Variants in NFIB observed in about 807,000 individuals in gnomAD.
The protein encoded by NFIB is nuclear factor I B, also known as nuclear factor 1 B-type.
A neutral mutation model predicts 61.5 loss-of-function variants in NFIB; 11 were observed. That is an observed-to-expected ratio of 0.18 (90% confidence interval 0.11 to 0.30). The LOEUF (loss-of-function observed/expected upper bound fraction) is 0.30. NFIB is among the 10% of genes least tolerant of loss of function. The pLI, the probability that NFIB is intolerant of heterozygous loss-of-function variation, is 1.00. For missense variants in NFIB, 471 were observed against 608.9 expected, an observed-to-expected ratio of 0.77 and a Z score of 2.38; for synonymous variants, 260 against 216.5, an observed-to-expected ratio of 1.20 and a Z score of -1.76.
chr9:14,341,149 A>G (rs1395988394), intron 1 of NFIB, among the ~76,000 whole-genome samples: 1 of 152,176 alleles, frequency 6.6e-6, no homozygotes, highest in Non-Finnish European at 1.5e-5. Flanking sequence ...AGAATCTGCT[A>G]GTCTTCTGGC....
intron 3 of NFIB, among the ~76,000 whole-genome samples, chr9:14,171,681 A>C (rs1404012676): frequency 1.5e-4 from 23 of 152,192 alleles, no homozygotes; most frequent in Admixed American, 1.5e-3. Flanking sequence ...AGGATATCTT[A>C]AAAAGGGAAA....
intron 2 of NFIB, among the ~76,000 whole-genome samples, chr9:14,276,841 T>C (rs1466581272): frequency 1.3e-5 from 2 of 152,082 alleles, no homozygotes; most frequent in Non-Finnish European, 1.5e-5. Context: ...TCTTCAAGTA[T>C]TGTAAACTGA....
At chr9:14,518,834 T>C in the NFIB span, among the ~76,000 whole-genome samples, 1 of 152,198 alleles carries the variant, frequency 6.6e-6, no homozygotes, top group African/African-American at 2.4e-5. Flanking sequence ...TCAGGCCATA[T>C]TTCCAATTCC....
intron 3 of NFIB, among the ~76,000 whole-genome samples, chr9:14,171,747 C>T (rs908646481): frequency 1.8e-4 from 28 of 152,226 alleles, no homozygotes; most frequent in African/African-American, 6.5e-4. Flanking sequence ...ATAAATTTAA[C>T]TTTGGAAATG....
chr9:14,474,602 C>A, the NFIB span, among the ~76,000 whole-genome samples: 5 of 152,290 alleles, frequency 3.3e-5, no homozygotes, highest in Admixed American at 3.3e-4. Flanking sequence ...TTGTCTAAAT[C>A]TGATCTGGGT....
At chr9:14,301,440 G>A (rs1008692406) in intron 2 of NFIB, among the ~76,000 whole-genome samples, 1 of 152,142 alleles carries the variant, frequency 6.6e-6, no homozygotes, top group African/African-American at 2.4e-5. Context: ...TATACAGGGT[G>A]GGGGGAAGGA....
the NFIB span, among the ~76,000 whole-genome samples, chr9:14,507,354 ATC>A: frequency 6.6e-6 from 1 of 152,224 alleles, no homozygotes; most frequent in East Asian, 1.9e-4. Flanking sequence ...TCTATATTAT[ATC>A]TGTTTCTTCA....
At chr9:14,111,161 A>G (rs1424156520) in intron 10 of NFIB, among the ~76,000 whole-genome samples, 1 of 152,162 alleles carries the variant, frequency 6.6e-6, no homozygotes, top group Non-Finnish European at 1.5e-5. Context: ...TTTAAAATAT[A>G]TCATGTGCCA....
chr9:14,485,919 C>T, the NFIB span, among the ~76,000 whole-genome samples: 1 of 151,752 alleles, frequency 6.6e-6, no homozygotes, highest in African/African-American at 2.4e-5. Flanking sequence ...CCCCACAACA[C>T]ACACACAGTC....
intron 6 of NFIB, among the ~76,000 whole-genome samples, chr9:14,131,980 G>C (rs1206109813): frequency 6.6e-6 from 1 of 152,124 alleles, no homozygotes; most frequent in Admixed American, 6.5e-5. Context: ...TGCTCGAGTA[G>C]ATTAAGGTTA....
At chr9:14,366,323 C>T (rs888323851) in intron 1 of NFIB, among the ~76,000 whole-genome samples, 4 of 152,060 alleles carry the variant, frequency 2.6e-5, no homozygotes, top group Non-Finnish European at 5.9e-5. Context: ...AAGTGAAACC[C>T]GATGTCTTCT....
chr9:14,153,970 A>G (rs1313589814), intron 4 of NFIB, among the ~76,000 whole-genome samples: 1 of 152,194 alleles, frequency 6.6e-6, no homozygotes, highest in Non-Finnish European at 1.5e-5. Context: ...TAGATAATTA[A>G]TGTGCTAATT....
chr9:14,258,922 T>C (rs1365825503), intron 2 of NFIB, among the ~76,000 whole-genome samples: 4 of 152,190 alleles, frequency 2.6e-5, no homozygotes, highest in African/African-American at 7.2e-5. Context: ...GCCTTCTTTC[T>C]AGGATCTGGC....
In NFIB at chr9:14,084,821, AC is replaced by A. The variant is rs1383199165; in HGVS notation, c.*3487del. On this transcript the variant is annotated 3_prime_UTR_variant, in exon 11 of 11. Coordinates refer to ENST00000380953, the MANE Select transcript of NFIB (RefSeq NM_001190737.2). ...TTTGAGATTTTATATATATAGTAGT[AC>A]TTTTAATAGTTTTATCTCAAAAAGG... 1.3e-5 allele frequency: 3 copies of A among 228,364 alleles called. No homozygotes were observed. Among genetic ancestry groups the A allele is most frequent in the Non-Finnish European group, 2.6e-5 (3 of 115,092 alleles). 14.1% of individuals were successfully genotyped at this position (228,364 alleles called of 1,614,324 possible).
intron 1 of NFIB, among the ~76,000 whole-genome samples, chr9:14,331,633 G>C (rs2060821648): frequency 6.6e-6 from 1 of 152,178 alleles, no homozygotes; most frequent in Non-Finnish European, 1.5e-5. Context: ...AGTATGTTCT[G>C]AAAGTAATGG....
intron 1 of NFIB, among the ~76,000 whole-genome samples, chr9:14,376,928 G>A (rs1003802714): frequency 2.0e-5 from 3 of 152,078 alleles, no homozygotes; most frequent in Admixed American, 6.6e-5. Flanking sequence ...TTCACTGCAT[G>A]GAAGGTGTTT....
chr9:14,376,723 G>C (rs182827580), intron 1 of NFIB, among the ~76,000 whole-genome samples: 2 of 152,074 alleles, frequency 1.3e-5, no homozygotes, highest in Admixed American at 6.6e-5. Flanking sequence ...TCACCATGTT[G>C]GCCAGGCTGA....
At chr9:14,525,807 C>A in the NFIB span, among the ~76,000 whole-genome samples, 2 of 152,060 alleles carry the variant, frequency 1.3e-5, no homozygotes, top group Non-Finnish European at 2.9e-5. Context: ...ATTATGAAAA[C>A]CCCATAGGAA....
chr9:14,129,893 C>T (rs2040196913), intron 6 of NFIB, among the ~76,000 whole-genome samples: 1 of 152,032 alleles, frequency 6.6e-6, no homozygotes, highest in South Asian at 2.1e-4. Context: ...AAATGATAGG[C>T]AAAGGATTAG....
Sources: allele counts gnomAD v4.1 joint callset (sites outside exome capture counted in the v4.1 genomes callset), GRCh38; gene constraint gnomAD v4.1.1; transcripts MANE v1.5; gene names NCBI Gene and HGNC (gene_info 2026-07-23, HGNC 2026-07-21).